Variants in KDM3B observed in about 807,000 individuals in gnomAD.
KDM3B encodes lysine-specific demethylase 3B.
In KDM3B, 10 loss-of-function variants were observed where a neutral mutation model predicts 170.0. The ratio of observed to expected loss-of-function variants is 0.06; its 90% CI spans 0.04 to 0.10. The LOEUF (loss-of-function observed/expected upper bound fraction) is 0.10. Ranked by LOEUF, KDM3B falls within the 10% of genes least tolerant of loss-of-function variation. The probability of loss-of-function intolerance (pLI) is 1.00; values close to 1 mark genes in which losing one functional copy is unlikely to be tolerated. For synonymous variants in KDM3B, 831 were observed against 834.8 expected, an observed-to-expected ratio of 1.00 and a Z score of 0.08; for missense variants, 1,394 against 2,195.2, an observed-to-expected ratio of 0.64 and a Z score of 7.29.
chr5:138,416,220 G>A (rs991620071), intron 12 of KDM3B, among the ~76,000 whole-genome samples: 4 of 152,138 alleles, frequency 2.6e-5, no homozygotes, highest in African/African-American at 9.7e-5. Context: ...CCTACCTTCT[G>A]TACTTCCATT....
intron 1 of KDM3B, among the ~76,000 whole-genome samples, chr5:138,357,558 T>C (rs924264503): frequency 3.3e-5 from 5 of 151,750 alleles, no homozygotes; most frequent in African/African-American, 1.2e-4. Context: ...GAGATAGGTT[T>C]TGCCATGTTG....
intron 23 of KDM3B, among the ~76,000 whole-genome samples, chr5:138,434,114 G>A (rs1763609969): frequency 6.6e-6 from 1 of 152,162 alleles, no homozygotes. Context: ...CCCGAGCTAG[G>A]GATGTTGGGT....
At position 138,408,828 on chromosome 5, in the gene KDM3B, T is replaced by G. The variant is rs192744934; in HGVS notation, c.3200-6304T>G. Among the ~76,000 whole-genome samples, 804 of 152,322 alleles carry G rather than the reference T, an allele frequency of 5.3e-3. 8 individuals are homozygous for G. The highest frequency in any genetic ancestry group is 6.5e-3 in the Non-Finnish European group (439 of 68,026). On this transcript the variant is annotated intron_variant, in intron 11 of 23. Coordinates refer to ENST00000314358, the MANE Select transcript of KDM3B (RefSeq NM_016604.4). ...ATAGCAGAAAAATCATTTGTCTAAA[T>G]TATCAAAAACCTAGGCTATGCATTC...
intron 9 of KDM3B, chr5:138,397,962 A>G (rs2126959417): frequency 2.2e-6 from 1 of 449,484 alleles, no homozygotes; most frequent in Admixed American, 4.0e-5. Flanking sequence ...AACTAAGAGG[A>G]ACTCTGGGAC....
intron 11 of KDM3B, among the ~76,000 whole-genome samples, chr5:138,404,452 A>T (rs62380954): frequency 0.13 from 19,299 of 152,016 alleles, 1,663 homozygotes; most frequent in South Asian, 0.25. Flanking sequence ...ACATGGTGAA[A>T]TCCTGTCTCT....
intron 9 of KDM3B, among the ~76,000 whole-genome samples, chr5:138,395,579 G>A (rs1762525815): frequency 6.6e-6 from 1 of 152,142 alleles, no homozygotes; most frequent in Non-Finnish European, 1.5e-5. Flanking sequence ...CCTGAACGAT[G>A]TAGTGAGACC....
In KDM3B at chr5:138,419,155, C is replaced by T; in HGVS notation, c.3638C>T (p.Pro1213Leu). 6.2e-7 allele frequency: 1 copy of T among 1,614,216 alleles called. No individual in the cohort carries two copies. The highest frequency in any genetic ancestry group is 1.1e-5 in the South Asian group (1 of 91,086). Reference protein sequence around the residue: ...SELKAIRPPCPDTAPPSSALH... With the variant: ...SELKAIRPPCLDTAPPSSALH... ...CTGAAAGCCATCAGGCCTCCTTGCC[C>T]TGACACGGCCCCACCCTCCTCCGCC... Residue 1213 changes from proline to leucine, a missense_variant, in exon 14 of 24, where the codon CCT becomes CTT. Pro to Leu is a moderately conservative substitution (Grantham distance 98). This residue lies in a region of KDM3B where 87 missense variants were observed against 83.3 expected (regional missense o/e 1.04). Coordinates refer to ENST00000314358, the MANE Select transcript of KDM3B (RefSeq NM_016604.4).
intron 1 of KDM3B, among the ~76,000 whole-genome samples, chr5:138,370,338 C>A (rs895882235): frequency 1.3e-5 from 2 of 152,138 alleles, no homozygotes; most frequent in Non-Finnish European, 2.9e-5. Context: ...TCTGGGATAA[C>A]TTTTTAGCAA....
At position 138,436,509 on chromosome 5, in the gene KDM3B, G is replaced by T. The variant is rs1763676761; in HGVS notation, c.*809G>T. The T allele has an allele frequency of 6.6e-6, 1 of 152,114 alleles. No homozygotes were observed. The highest frequency in any genetic ancestry group is 2.1e-4 in the South Asian group (1 of 4,822). The allele number at this position is 152,114 out of a possible 1,614,324, so 9.4% of individuals were successfully genotyped here. A position where few individuals can be genotyped will look rare whatever the true frequency, so the allele number is the denominator to read the frequency against. ...AGCCAAAGCAGAATTTTTAAAAATT[G>T]GCTTTTTTAGGATTCTTTTTCTCCC... is the stretch of plus-strand genomic sequence containing the variant. On this transcript the variant is annotated 3_prime_UTR_variant, in exon 24 of 24. Coordinates refer to ENST00000314358, the MANE Select transcript of KDM3B (RefSeq NM_016604.4).
At chr5:138,399,110 G>A (rs1762616864) in intron 10 of KDM3B, among the ~76,000 whole-genome samples, 1 of 151,144 alleles carries the variant, frequency 6.6e-6, no homozygotes, top group Non-Finnish European at 1.5e-5. Flanking sequence ...GGATGGTCTC[G>A]ATCTCCTGAC....
intron 10 of KDM3B, among the ~76,000 whole-genome samples, chr5:138,399,272 G>A (rs1762621829): frequency 1.3e-5 from 2 of 151,998 alleles, no homozygotes; most frequent in South Asian, 4.2e-4. Context: ...GGGCACAGTG[G>A]CTCATGCCTG....
chr5:138,378,051 ATCAC>A (rs1455092827), intron 4 of KDM3B, among the ~76,000 whole-genome samples: 1 of 152,122 alleles, frequency 6.6e-6, no homozygotes, highest in Non-Finnish European at 1.5e-5. Flanking sequence ...TTCTCTCTCC[ATCAC>A]TCACTCGTCT....
intron 10 of KDM3B, 141 bp downstream of exon 10, chr5:138,398,533 A>T: frequency 1.4e-6 from 1 of 690,954 alleles, no homozygotes; most frequent in Admixed American, 2.8e-5. Flanking sequence ...TCTTTGTAGC[A>T]ACCTGTCGTT....
chr5:138,388,801 G>A (rs144494506), intron 7 of KDM3B, among the ~76,000 whole-genome samples: 3,938 of 152,284 alleles, frequency 0.026, 88 homozygotes, highest in South Asian at 0.11. Flanking sequence ...GACAGAGCGA[G>A]ACTCCGTCTC....
chr5:138,390,958 T>G, intron 7 of KDM3B, 55 bp from the exon 8 acceptor site: 2 of 1,472,280 alleles, frequency 1.4e-6, no homozygotes, highest in Non-Finnish European at 1.8e-6. Flanking sequence ...AAGAAAGAGA[T>G]CATTAGATTG....
chr5:138,391,756 A>G lies in KDM3B; in HGVS notation c.2124A>G (p.Ser708=). 1 of 1,614,066 alleles carries G rather than the reference A, an allele frequency of 6.2e-7. No homozygotes were observed. Among genetic ancestry groups the G allele is most frequent in the Non-Finnish European group, 8.5e-7 (1 of 1,180,016 alleles). Residue 708 remains serine, a synonymous_variant, in exon 8 of 24, where the codon TCA becomes TCG. Transcript: ENST00000314358. This position sits in a 1 kb window ranked among gnomAD's most constrained non-coding sequence, Gnocchi z 5.0. ...AGCTAGTATCTGGTGTTCTGGGCTCAGCTCTTACCAGTGGGGGCCCAAGCC... is the reference window on the plus strand; with the variant it reads ...AGCTAGTATCTGGTGTTCTGGGCTCGGCTCTTACCAGTGGGGGCCCAAGCC... ...SSKLVSGVLG[S]ALTSGGPSLS... is the part of the protein sequence containing the mutation.
chr5:138,416,781 C>CT (rs1183012849), intron 12 of KDM3B, among the ~76,000 whole-genome samples: 3 of 151,708 alleles, frequency 2.0e-5, no homozygotes, highest in South Asian at 4.2e-4. Context: ...TAGTTTTTAC[C>CT]TTTTTTTTAA....
chr5:138,428,894 T>A (rs1763460906), intron 20 of KDM3B, among the ~76,000 whole-genome samples: 1 of 151,648 alleles, frequency 6.6e-6, no homozygotes, highest in Non-Finnish European at 1.5e-5. Flanking sequence ...GATACTTTTT[T>A]AAAAGAAAAT....
intron 4 of KDM3B, among the ~76,000 whole-genome samples, chr5:138,379,178 C>A (rs760816979): frequency 3.9e-5 from 6 of 152,152 alleles, no homozygotes; most frequent in Non-Finnish European, 7.3e-5. Context: ...ACAGCACTTT[C>A]AACTTAGTGG....
Sources: gnomAD v4.1 joint callset for allele counts (sites outside exome capture counted in the v4.1 genomes callset) on GRCh38, gnomAD v4.1.1 for gene constraint, gnomAD v4.1.1 regional missense constraint, Gnocchi (gnomAD v3.1) non-coding constraint, MANE v1.5 for transcripts, NCBI Gene and HGNC (gene_info 2026-07-23, HGNC 2026-07-21) for gene names.